The following NAALADL2 variants were observed in gnomAD, a reference collection of about 807,000 sequenced individuals.
NAALADL2 encodes the protein N-acetylated alpha-linked acidic dipeptidase like 2, also known as inactive N-acetylated-alpha-linked acidic dipeptidase-like protein 2.
A neutral mutation model predicts 87.2 loss-of-function variants in NAALADL2; 76 were observed. The observed-to-expected ratio is 0.87, with a 90% CI of 0.72 to 1.05. The LOEUF is 1.05. Among genes scored for constraint, NAALADL2 ranks in the 50% least tolerant of loss-of-function variants. NAALADL2 has a pLI of 0.00. For synonymous variants in NAALADL2, 354 were observed against 331.0 expected (o/e 1.07, Z -0.75); for missense variants, 1,089 against 945.8 (o/e 1.15, Z -1.99).
intron 1 of NAALADL2, among the ~76,000 whole-genome samples, chr3:174,987,812 T>TATATATATATAATTTTATA (rs1553911297): frequency 2.5e-5 from 3 of 120,074 alleles, no homozygotes; most frequent in African/African-American, 1.4e-4. Flanking sequence ...ATATATATAA[T>TATATATATATAATTTTATA]TATATATATA....
At chr3:174,703,852 A>G (rs1015259190) in intron 2 of NAALADL2, among the ~76,000 whole-genome samples, 3 of 152,188 alleles carry the variant, frequency 2.0e-5, no homozygotes, top group Admixed American at 6.5e-5. Context: ...ACCCTGTGAT[A>G]GATAAAACAA....
At chr3:175,700,447 G>C (rs901362528) in intron 11 of NAALADL2, among the ~76,000 whole-genome samples, 1 of 152,148 alleles carries the variant, frequency 6.6e-6, no homozygotes, top group Admixed American at 6.6e-5. Context: ...GTTAGGAAGA[G>C]AGTTACCAAA....
At chr3:175,413,429 G>A (rs555624041) in intron 5 of NAALADL2, among the ~76,000 whole-genome samples, 2 of 151,494 alleles carry the variant, frequency 1.3e-5, no homozygotes, top group East Asian at 2.0e-4. Flanking sequence ...AAATTGGCCG[G>A]GCATGGTAGC....
Position 175,759,407 on chromosome 3 carries a change from G to C in NAALADL2, c.2189+3989G>C, listed in dbSNP as rs908297544. ...GAGTCTCGCTCTGTCGCCCAGGGTG[G>C]AGTGCAGTGGCACAATCTCGGCTCA... On this transcript the variant is annotated intron_variant, in intron 13 of 13. Coordinates refer to ENST00000454872, the MANE Select transcript of NAALADL2 (RefSeq NM_207015.3). Among the ~76,000 whole-genome samples the C allele has an allele frequency of 6.3e-4, 95 of 151,008 alleles. 1 individual carries two copies. Among genetic ancestry groups the C allele is most frequent in the Admixed American group, 2.6e-4 (4 of 15,154 alleles).
chr3:174,936,840 G>A (rs889874199), intron 1 of NAALADL2, among the ~76,000 whole-genome samples: 1 of 152,134 alleles, frequency 6.6e-6, no homozygotes, highest in African/African-American at 2.4e-5. Flanking sequence ...TGGTGCTGGA[G>A]AGAAAGAGAG....
intron 1 of NAALADL2, among the ~76,000 whole-genome samples, chr3:174,901,098 A>G (rs1266092137): frequency 6.6e-6 from 1 of 152,192 alleles, no homozygotes; most frequent in African/African-American, 2.4e-5. Context: ...ATTTAAATCT[A>G]TGATTCCATG....
chr3:175,652,520 C>T (rs2149791081), intron 11 of NAALADL2, among the ~76,000 whole-genome samples: 1 of 149,080 alleles, frequency 6.7e-6, no homozygotes, highest in East Asian at 2.0e-4. Flanking sequence ...GCTCTGTCGC[C>T]CAGGCTGGAG....
intron 2 of NAALADL2, among the ~76,000 whole-genome samples, chr3:174,721,124 T>C (rs1347215161): frequency 6.6e-6 from 1 of 152,170 alleles, no homozygotes; most frequent in Non-Finnish European, 1.5e-5. Flanking sequence ...TATATTAACA[T>C]GTTATGCTAA....
chr3:174,618,647 A>G (rs1429850407), intron 2 of NAALADL2, among the ~76,000 whole-genome samples: 1 of 151,814 alleles, frequency 6.6e-6, no homozygotes, highest in African/African-American at 2.4e-5. Flanking sequence ...TTTTTCTGAG[A>G]CAAAACTAAA....
intron 6 of NAALADL2, among the ~76,000 whole-genome samples, chr3:175,455,650 G>C (rs1297294450): frequency 1.3e-5 from 2 of 152,018 alleles, no homozygotes. Flanking sequence ...GCATGTATTA[G>C]ACAATCAGGG....
chr3:175,241,774 A>C (rs978358668), intron 3 of NAALADL2, among the ~76,000 whole-genome samples: 1 of 151,848 alleles, frequency 6.6e-6, no homozygotes, highest in Admixed American at 6.6e-5. Context: ...TAGGTGGTTA[A>C]AGTGCAGTGG....
chr3:174,478,801 T>C (rs889314106), intron 1 of NAALADL2, among the ~76,000 whole-genome samples: 2 of 152,182 alleles, frequency 1.3e-5, no homozygotes, highest in Non-Finnish European at 2.9e-5. Flanking sequence ...AATCTCTGCC[T>C]TCTCTGCTCA....
intron 2 of NAALADL2, among the ~76,000 whole-genome samples, chr3:174,589,468 G>A (rs778159896): frequency 1.1e-4 from 17 of 152,170 alleles, no homozygotes; most frequent in Admixed American, 2.0e-4. Context: ...GCTGGGAGCT[G>A]TAGACTGGAG....
In NAALADL2 at chr3:175,095,371, T is replaced by C. The variant is rs115492294; in HGVS notation, c.44-1419T>C. On this transcript the variant is annotated intron_variant, in intron 1 of 13. Transcript: ENST00000454872. ...CTCTCTGATTTGATGGGTCGCTATT[T>C]GTGGAATAAGGTCCTATTTATTTCT... Among the ~76,000 whole-genome samples, 620 of 152,180 alleles carry C rather than the reference T, an allele frequency of 4.1e-3. 4 individuals carry two copies. Among genetic ancestry groups the C allele is most frequent in the African/African-American group, 0.014 (596 of 41,558 alleles).
chr3:174,544,567 C>CTTTTTTTTTTTTTTTTT (rs10575227), intron 1 of NAALADL2, among the ~76,000 whole-genome samples: 10 of 115,146 alleles, frequency 8.7e-5, no homozygotes, highest in Non-Finnish European at 1.7e-4. Flanking sequence ...TTTTTGTTTT[C>CTTTTTTTTTTTTTTTTT]TTTTTTTTTT....
intron 1 of NAALADL2, among the ~76,000 whole-genome samples, chr3:175,014,768 C>A (rs1750602160): frequency 6.6e-6 from 1 of 151,996 alleles, no homozygotes; most frequent in South Asian, 2.1e-4. Context: ...ATTTGAAATC[C>A]ATAACACTTA....
intron 1 of NAALADL2, among the ~76,000 whole-genome samples, chr3:174,980,701 AAG>A (rs1744994410): frequency 6.6e-6 from 1 of 152,184 alleles, no homozygotes; most frequent in Admixed American, 6.5e-5. Context: ...TTTATGAAAT[AAG>A]AGATTTTTAA....
chr3:174,884,749 G>T (rs927253367), intron 1 of NAALADL2, among the ~76,000 whole-genome samples: 3 of 152,102 alleles, frequency 2.0e-5, no homozygotes, highest in Non-Finnish European at 4.4e-5. Context: ...TCTCATGCCT[G>T]TTCTCCAGAT....
intron 1 of NAALADL2, among the ~76,000 whole-genome samples, chr3:174,914,752 T>C (rs1382055329): frequency 1.3e-5 from 2 of 152,174 alleles, no homozygotes; most frequent in Non-Finnish European, 2.9e-5. Context: ...TAAAGATTAA[T>C]TTATTGGAAG....
Sources: gnomAD v4.1 joint callset for allele counts (sites outside exome capture counted in the v4.1 genomes callset) on GRCh38, gnomAD v4.1.1 for gene constraint, MANE v1.5 for transcripts, NCBI Gene and HGNC (gene_info 2026-07-23, HGNC 2026-07-21) for gene names.